FBXW11: variants seen among roughly 807,000 people sequenced by gnomAD.
FBXW11 encodes the protein F-box/WD repeat-containing protein 11.
In FBXW11, 19 loss-of-function variants were observed where a neutral mutation model predicts 77.6. The observed-to-expected ratio is 0.24, with a 90% confidence interval of 0.17 to 0.36. The LOEUF (loss-of-function observed/expected upper bound fraction) is 0.36, where lower values mean the gene tolerates loss of function less well. Ranked by LOEUF, FBXW11 falls within the 10% of genes least tolerant of loss-of-function variation. The probability of loss-of-function intolerance (pLI) is 1.00; values close to 1 mark genes in which losing one functional copy is unlikely to be tolerated. For missense variants in FBXW11, 334 were observed against 704.2 expected (o/e 0.47, Z 5.95); for synonymous variants, 235 against 249.4 (o/e 0.94, Z 0.54).
chr5:171,948,219 AG>A (rs1763116383), intron 2 of FBXW11, among the ~76,000 whole-genome samples: 1 of 135,722 alleles, frequency 7.4e-6, no homozygotes, highest in South Asian at 2.7e-4. Context: ...TGGGCGACAG[AG>A]TGAGACTCCA....
At chr5:171,987,912 T>C (rs928577197) in intron 1 of FBXW11, among the ~76,000 whole-genome samples, 2 of 152,224 alleles carry the variant, frequency 1.3e-5, no homozygotes, top group African/African-American at 2.4e-5. Context: ...ATGCATTTGA[T>C]TCTGTTCTGT....
intron 8 of FBXW11, among the ~76,000 whole-genome samples, chr5:171,877,498 G>A (rs937509755): frequency 6.6e-5 from 10 of 152,024 alleles, no homozygotes; most frequent in Admixed American, 2.0e-4. Flanking sequence ...TCCACATCAC[G>A]GCTTTTCTGT....
At chr5:171,991,791 G>A (rs1282395160) in intron 1 of FBXW11, among the ~76,000 whole-genome samples, 2 of 152,088 alleles carry the variant, frequency 1.3e-5, no homozygotes, top group Non-Finnish European at 2.9e-5. Flanking sequence ...GTAATAGCAG[G>A]CTGTAACAAA....
Position 171,969,457 on chromosome 5 carries a change from T to G in FBXW11, c.46-11759A>C, listed in dbSNP as rs78547143. ...CATATTTCTATTTTATCTTTTTCAT[T>G]TTAAACTGCTTAGTCATTTAAAAAA... On this transcript the variant is annotated intron_variant, in intron 1 of 13. Transcript: ENST00000517395. 2.2e-4 allele frequency among the ~76,000 whole-genome samples: 34 copies of G among 152,356 alleles called. No individual in the cohort carries two copies. The East Asian group carries it at 5.4e-3, about 24-fold the overall frequency.
chr5:171,933,272 T>C (rs1297630273), intron 2 of FBXW11, among the ~76,000 whole-genome samples: 1 of 152,026 alleles, frequency 6.6e-6, no homozygotes, highest in East Asian at 1.9e-4. Flanking sequence ...ATGAAAAGGC[T>C]ACACACCGTG....
chr5:171,907,155 A>G (rs992297529), intron 4 of FBXW11, among the ~76,000 whole-genome samples: 1 of 152,242 alleles, frequency 6.6e-6, no homozygotes, highest in South Asian at 2.1e-4. Context: ...TTAGAAAGGC[A>G]TATCATAATT....
intron 2 of FBXW11, among the ~76,000 whole-genome samples, chr5:171,930,843 TAC>T (rs942583988): frequency 6.7e-6 from 1 of 149,614 alleles, no homozygotes; most frequent in African/African-American, 2.5e-5. Context: ...ATCTGCAGTA[TAC>T]ACAGTTTATA....
intron 1 of FBXW11, among the ~76,000 whole-genome samples, chr5:171,959,212 G>A (rs888418087): frequency 2.0e-5 from 3 of 151,906 alleles, no homozygotes; most frequent in African/African-American, 7.3e-5. Context: ...TCCAAGGTGT[G>A]CCTTTATTCC....
chr5:171,912,348 G>C (rs1261624476), intron 3 of FBXW11, among the ~76,000 whole-genome samples: 1 of 152,062 alleles, frequency 6.6e-6, no homozygotes, highest in African/African-American at 2.4e-5. Flanking sequence ...CATTGAACAA[G>C]GATTTTGAAA....
In FBXW11 at chr5:171,971,989, T is replaced by G. The variant is rs538665669; in HGVS notation, c.46-14291A>C. ...GCTCACACCTGTAATCCCAGAATTTTGGGAGGCTGACACAGGAGAATTGCT... is the reference window on the plus strand; with the variant it reads ...GCTCACACCTGTAATCCCAGAATTTGGGGAGGCTGACACAGGAGAATTGCT... On this transcript the variant is annotated intron_variant, in intron 1 of 13. Transcript: ENST00000517395. Among the ~76,000 whole-genome samples the G allele has an allele frequency of 2.7e-3, 392 of 146,476 alleles. 2 individuals are homozygous for G. The highest frequency in any genetic ancestry group is 9.8e-3 in the African/African-American group (382 of 38,970).
intron 1 of FBXW11, among the ~76,000 whole-genome samples, chr5:171,980,242 T>C (rs1164386761): frequency 6.6e-6 from 1 of 152,202 alleles, no homozygotes; most frequent in Non-Finnish European, 1.5e-5. Flanking sequence ...CCTAACTAGA[T>C]GGGGAGGAAA....
At chr5:171,988,514 A>C (rs1765563532) in intron 1 of FBXW11, among the ~76,000 whole-genome samples, 2 of 152,186 alleles carry the variant, frequency 1.3e-5, no homozygotes, top group Non-Finnish European at 2.9e-5. Flanking sequence ...TAAAAAAGGA[A>C]GGAAGAAAAA....
At chr5:172,005,211 A>G (rs1766663160) in intron 1 of FBXW11, among the ~76,000 whole-genome samples, 1 of 152,200 alleles carries the variant, frequency 6.6e-6, no homozygotes, top group Non-Finnish European at 1.5e-5. Context: ...ACTGAAGAAA[A>G]TCTGGCTAGG....
intron 1 of FBXW11, among the ~76,000 whole-genome samples, chr5:171,967,445 A>G (rs1764249719): frequency 6.6e-6 from 1 of 152,236 alleles, no homozygotes; most frequent in Non-Finnish European, 1.5e-5. Context: ...TAATGCATAG[A>G]AAGAAAGTTA....
Position 171,878,437 on chromosome 5 carries a change from G to A in FBXW11, c.853-308C>T, listed in dbSNP as rs2113786001. Among the ~76,000 whole-genome samples, 3 of 152,254 alleles carry A rather than the reference G, an allele frequency of 2.0e-5. No homozygotes were observed. In the Middle Eastern group the frequency reaches 0.01, roughly 518 times the overall value. ...GTGAAAAGAATTCGCTCACTGACTG[G>A]GTGCTGTGGCTCATGCCTATAATCC... On this transcript the variant is annotated intron_variant, in intron 7 of 13. Coordinates refer to ENST00000517395, the MANE Select transcript of FBXW11 (RefSeq NM_001378974.1).
rs563432212 is a variant in FBXW11, at chr5:171,902,390, A to G, written c.437-2290T>C. Among the ~76,000 whole-genome samples, 60 of 152,330 alleles carry G rather than the reference A, an allele frequency of 3.9e-4. 3 individuals are homozygous for G. The South Asian group carries it at 0.011, about 27-fold the overall frequency. On this transcript the variant is annotated intron_variant, in intron 4 of 13. Transcript: ENST00000517395. Reference sequence around the variant, plus strand: ...TTCATGTTCATTATAGAAAATTTATAAAGTGTAGATGAGCAAAAATTTTTA... The same window carrying G: ...TTCATGTTCATTATAGAAAATTTATGAAGTGTAGATGAGCAAAAATTTTTA...
chr5:171,970,215 G>A (rs1764445781), intron 1 of FBXW11, among the ~76,000 whole-genome samples: 1 of 152,158 alleles, frequency 6.6e-6, no homozygotes, highest in Non-Finnish European at 1.5e-5. Flanking sequence ...CTCGAAGGAG[G>A]GACTTGGTGG....
At chr5:171,900,201 G>A in intron 4 of FBXW11, 101 bp from the exon 5 acceptor site, 1 of 1,036,172 alleles carries the variant, frequency 9.7e-7, no homozygotes, top group Non-Finnish European at 1.4e-6. Flanking sequence ...CCTGAACCAA[G>A]TAAAATATTT....
At chr5:171,891,302 C>T (rs938833319) in intron 7 of FBXW11, among the ~76,000 whole-genome samples, 165 bp downstream of exon 7, 3 of 151,810 alleles carry the variant, frequency 2.0e-5, no homozygotes, top group Non-Finnish European at 4.4e-5. Flanking sequence ...GTATTAGTTT[C>T]GGGGAAATGC....
Sources: gnomAD v4.1 joint callset for allele counts (sites outside exome capture counted in the v4.1 genomes callset) on GRCh38, gnomAD v4.1.1 for gene constraint, MANE v1.5 for transcripts, NCBI Gene and HGNC (gene_info 2026-07-23, HGNC 2026-07-21) for gene names.